TULP3: variants seen among roughly 807,000 people sequenced by gnomAD.
The protein encoded by TULP3 is TUB like protein 3, also known as tubby-related protein 3.
In TULP3, 38 loss-of-function variants were observed where a neutral mutation model predicts 50.7. The ratio of observed to expected loss-of-function variants is 0.75; its 90% CI spans 0.58 to 0.98. The LOEUF is 0.98. Ranked by LOEUF, TULP3 falls within the 50% of genes least tolerant of loss-of-function variation. The pLI is 0.00. For missense variants in TULP3, 550 were observed against 568.0 expected (o/e 0.97, Z 0.32); for synonymous variants, 183 against 196.6 (o/e 0.93, Z 0.58).
rs566688479 is a variant in TULP3, at chr12:2,939,967, C to T, written c.*523C>T. The stretch of plus-strand genomic sequence containing the variant: ...GGGATTTCATGTGCTTGGAAACTTG[C>T]AGTAGAATCAGGGACTGACATCGCA... On this transcript the variant is annotated 3_prime_UTR_variant, in exon 11 of 11. Transcript: ENST00000448120. The surrounding 1 kb of genome is among the most constrained non-coding windows in gnomAD (Gnocchi z 4.0). The T allele has an allele frequency of 3.1e-6, 4 of 1,275,328 alleles. No individual in the cohort carries two copies. The highest frequency in any genetic ancestry group is 2.3e-5 in the Admixed American group (1 of 43,248). 79.0% of individuals were successfully genotyped at this position (1,275,328 alleles called of 1,614,324 possible).
intron 2 of TULP3, among the ~76,000 whole-genome samples, chr12:2,917,253 AATG>A (rs2098189145): frequency 6.6e-6 from 1 of 152,016 alleles, no homozygotes; most frequent in Admixed American, 6.6e-5. Flanking sequence ...AATCAGAGGG[AATG>A]AGGTCAGGAG....
At chr12:2,921,213 A>C (rs1462988053) in intron 3 of TULP3, among the ~76,000 whole-genome samples, 1 of 152,072 alleles carries the variant, frequency 6.6e-6, no homozygotes, top group Non-Finnish European at 1.5e-5. Flanking sequence ...ATCTTGGCTC[A>C]CTGCCAACCT....
chr12:2,905,100 T>C (rs1289833726), intron 1 of TULP3, among the ~76,000 whole-genome samples: 1 of 144,638 alleles, frequency 6.9e-6, no homozygotes, highest in South Asian at 2.2e-4. Flanking sequence ...AAAAAGAATA[T>C]TAAATCAGAA....
chr12:2,928,759 A>G (rs1034042150), intron 4 of TULP3, among the ~76,000 whole-genome samples: 5 of 152,120 alleles, frequency 3.3e-5, no homozygotes, highest in Admixed American at 1.3e-4. Context: ...CCTGACCAAC[A>G]TGGTGAAACC....
In TULP3 at chr12:2,938,984, T is replaced by C. The variant is rs190414571; in HGVS notation, c.1196-327T>C. 8.6e-4 allele frequency among the ~76,000 whole-genome samples: 131 copies of C among 152,290 alleles called. 1 individual carries two copies. The highest frequency in any genetic ancestry group is 3.4e-3 in the Middle Eastern group (1 of 294). On this transcript the variant is annotated intron_variant, in intron 10 of 10. Transcript: ENST00000448120. ...TATCATAAATAGGATCCCAGCACTT[T>C]GGGAGGCCGAGGCAGGAGAATCACT...
intron 4 of TULP3, among the ~76,000 whole-genome samples, chr12:2,927,605 G>A (rs1049891006): frequency 1.2e-4 from 18 of 151,750 alleles, no homozygotes; most frequent in African/African-American, 4.1e-4. Flanking sequence ...CACCCATTTC[G>A]GCCTCCCAAA....
At position 2,931,235 on chromosome 12, in the gene TULP3, C is replaced by G. The variant is rs921240025; in HGVS notation, c.691C>G (p.Gln231Glu). The G allele has an allele frequency of 1.9e-6, 3 of 1,613,632 alleles. No homozygotes were observed. The highest frequency in any genetic ancestry group is 2.7e-5 in the African/African-American group (2 of 74,898). The change falls in exon 6 of 11, where the codon CAG becomes GAG. Residue 231 changes from glutamine (Q) to glutamate (E), a missense_variant. Physicochemically the swap from Gln to Glu is conservative, Grantham distance 29 (BLOSUM62 2). Coordinates refer to ENST00000448120, the MANE Select transcript of TULP3 (RefSeq NM_003324.5). ...TATGTACTTGGAAAAAGAAGAAAAT[C>G]AGAAGGTATGAGAATTGATTTCTAA... ...YYMYLEKEEN[Q>E]KIFLLAARKR...
chr12:2,935,763 A>G (rs2098200849), intron 8 of TULP3, among the ~76,000 whole-genome samples: 1 of 151,884 alleles, frequency 6.6e-6, no homozygotes. Context: ...ACTTGAGCCC[A>G]GGAGAGACCA....
intron 6 of TULP3, among the ~76,000 whole-genome samples, chr12:2,932,283 A>C (rs1233698574): frequency 1.3e-5 from 2 of 152,154 alleles, no homozygotes; most frequent in African/African-American, 4.8e-5. Flanking sequence ...CATGGCATGA[A>C]GAAAGCTATC....
At chr12:2,892,136 A>G (rs2098172490) in intron 1 of TULP3, among the ~76,000 whole-genome samples, 1 of 152,208 alleles carries the variant, frequency 6.6e-6, no homozygotes, top group Non-Finnish European at 1.5e-5. Flanking sequence ...CCACTAGTAG[A>G]TATTTAAACA....
intron 5 of TULP3, chr12:2,930,763 A>C (rs1239633602): frequency 1.9e-6 from 1 of 537,764 alleles, no homozygotes; most frequent in Non-Finnish European, 3.3e-6. Context: ...TTACTGAGTG[A>C]GGGTTCCTTC....
chr12:2,930,606 G>T (rs1162439298), intron 5 of TULP3, among the ~76,000 whole-genome samples: 1 of 151,992 alleles, frequency 6.6e-6, no homozygotes, highest in Admixed American at 6.6e-5. Context: ...TGTATTTTTA[G>T]TAGAGACAGG....
At chr12:2,897,442 A>T (rs927840195) in intron 1 of TULP3, among the ~76,000 whole-genome samples, 1 of 152,160 alleles carries the variant, frequency 6.6e-6, no homozygotes, top group Non-Finnish European at 1.5e-5. Context: ...AAGGTAACAC[A>T]TTCATTTGTA....
At chr12:2,901,979 GT>G (rs928347103) in intron 1 of TULP3, among the ~76,000 whole-genome samples, 4 of 152,016 alleles carry the variant, frequency 2.6e-5, no homozygotes, top group Non-Finnish European at 4.4e-5. Flanking sequence ...ATAAAAAATT[GT>G]TTTTTGTAGT....
chr12:2,903,627 G>A (rs1186967415), intron 1 of TULP3, among the ~76,000 whole-genome samples: 1 of 151,688 alleles, frequency 6.6e-6, no homozygotes, highest in African/African-American at 2.4e-5. Context: ...AAGCACAGTT[G>A]ATAAACCTAT....
chr12:2,909,581 GT>G lies in TULP3; in HGVS notation c.93+2del. On this transcript the variant is annotated splice_donor_variant, in intron 2 of 10. Coordinates refer to ENST00000448120, the MANE Select transcript of TULP3 (RefSeq NM_003324.5). LOFTEE classifies it high-confidence loss of function. The stretch of plus-strand genomic sequence containing the variant: ...GCGACAGGCTAAGCTGGATTATCAG[GT>G]GAGCAGAGTCTCCTCTTTTGAAATA... The G allele has an allele frequency of 6.3e-7, 1 of 1,582,676 alleles. No homozygotes were observed. The highest frequency in any genetic ancestry group is 2.3e-5 in the East Asian group (1 of 43,948).
At chr12:2,912,702 C>A (rs527263818) in intron 2 of TULP3, among the ~76,000 whole-genome samples, 1 of 152,176 alleles carries the variant, frequency 6.6e-6, no homozygotes, top group East Asian at 1.9e-4. Flanking sequence ...GAACTGTGTT[C>A]GAGAATTAGC....
At chr12:2,895,853 C>T (rs1167088055) in intron 1 of TULP3, among the ~76,000 whole-genome samples, 3 of 152,176 alleles carry the variant, frequency 2.0e-5, no homozygotes, top group South Asian at 2.1e-4. Flanking sequence ...CAAAGCTATA[C>T]AGCCTGTTAC....
At chr12:2,921,206 T>G (rs1157701949) in intron 3 of TULP3, among the ~76,000 whole-genome samples, 4 of 152,188 alleles carry the variant, frequency 2.6e-5, no homozygotes, top group East Asian at 1.9e-4. Flanking sequence ...TGGCGCGATC[T>G]TGGCTCACTG....
Sources: gnomAD v4.1 joint callset for allele counts (sites outside exome capture counted in the v4.1 genomes callset) on GRCh38, gnomAD v4.1.1 for gene constraint, Gnocchi (gnomAD v3.1) non-coding constraint, MANE v1.5 for transcripts, NCBI Gene and HGNC (gene_info 2026-07-23, HGNC 2026-07-21) for gene names.